The following MGAT4A variants were observed in gnomAD, a reference collection of about 807,000 sequenced individuals.
MGAT4A encodes alpha-1,3-mannosyl-glycoprotein 4-beta-N-acetylglucosaminyltransferase A.
In MGAT4A, 33 loss-of-function variants were observed where a neutral mutation model predicts 74.1. The observed-to-expected ratio is 0.45, with a 90% CI of 0.34 to 0.60. The LOEUF is 0.60. Ranked by LOEUF, MGAT4A falls within the 20% of genes least tolerant of loss-of-function variation. The probability of loss-of-function intolerance (pLI) is 0.02; values close to 1 mark genes in which losing one functional copy is unlikely to be tolerated. For synonymous variants in MGAT4A, 198 were observed against 210.4 expected, an observed-to-expected ratio of 0.94 and a Z score of 0.51; for missense variants, 479 against 628.3, an observed-to-expected ratio of 0.76 and a Z score of 2.54.
chr2:98,677,080 T>C (rs1701984669), intron 3 of MGAT4A, among the ~76,000 whole-genome samples: 1 of 152,194 alleles, frequency 6.6e-6, no homozygotes, highest in Non-Finnish European at 1.5e-5. Context: ...AGAAAAATTA[T>C]GCAAATTTAG....
intron 8 of MGAT4A, among the ~76,000 whole-genome samples, chr2:98,647,080 T>C (rs1391998755): frequency 2.0e-5 from 3 of 152,192 alleles, no homozygotes; most frequent in Non-Finnish European, 4.4e-5. Context: ...CAACATAGCA[T>C]TTAGAACTAA....
At chr2:98,640,690 G>C (rs1701393873) in intron 10 of MGAT4A, among the ~76,000 whole-genome samples, 1 of 152,096 alleles carries the variant, frequency 6.6e-6, no homozygotes, top group Non-Finnish European at 1.5e-5. Context: ...TTTTTTTCTA[G>C]TCTTTGAGGC....
At chr2:98,680,626 G>A (rs931615459) in intron 2 of MGAT4A, among the ~76,000 whole-genome samples, 2 of 152,216 alleles carry the variant, frequency 1.3e-5, no homozygotes, top group African/African-American at 4.8e-5. Context: ...GAAGAGGTAG[G>A]ACAGAGAAGG....
At chr2:98,656,596 G>A in intron 6 of MGAT4A, 131 bp from the exon 7 acceptor site, 2 of 563,582 alleles carry the variant, frequency 3.5e-6, no homozygotes, top group Non-Finnish European at 6.1e-6. Context: ...ATGGCCGCAA[G>A]GTGTTAAAAG....
chr2:98,703,105 G>A (rs1702375208), intron 2 of MGAT4A, among the ~76,000 whole-genome samples: 1 of 152,122 alleles, frequency 6.6e-6, no homozygotes, highest in Admixed American at 6.5e-5. Flanking sequence ...CTTCGAAACA[G>A]TTACTATAAA....
intron 2 of MGAT4A, among the ~76,000 whole-genome samples, chr2:98,702,687 G>A (rs533249632): frequency 6.6e-6 from 1 of 152,306 alleles, no homozygotes; most frequent in African/African-American, 2.4e-5. Context: ...AGCCCTACCG[G>A]CTCGAGGTGT....
chr2:98,708,822 A>G (rs1310653059), intron 2 of MGAT4A, among the ~76,000 whole-genome samples: 2 of 152,256 alleles, frequency 1.3e-5, no homozygotes, highest in Non-Finnish European at 2.9e-5. Flanking sequence ...AATGCAACAT[A>G]AACAATAGGG....
At chr2:98,643,795 T>C in intron 10 of MGAT4A, 128 bp downstream of exon 10, 2 of 924,512 alleles carry the variant, frequency 2.2e-6, no homozygotes, top group Non-Finnish European at 2.9e-6. Flanking sequence ...ATAGAAACTT[T>C]TTATCAGCTC....
chr2:98,645,559 A>G lies in MGAT4A; in HGVS notation c.775-17T>C. Reference sequence around the variant, plus strand: ...ATCTTCAAGCTAGAGAAAATTGAACAATCATATTAATACATCAAAAAAAGA... The same window carrying G: ...ATCTTCAAGCTAGAGAAAATTGAACGATCATATTAATACATCAAAAAAAGA... On this transcript the variant is annotated splice_polypyrimidine_tract_variant and intron_variant, in intron 8 of 15. Coordinates refer to ENST00000393487, the MANE Select transcript of MGAT4A (RefSeq NM_012214.3). 1 of 1,497,320 alleles carries G rather than the reference A, an allele frequency of 6.7e-7. No homozygotes were observed. The highest frequency in any genetic ancestry group is 9.0e-7 in the Non-Finnish European group (1 of 1,110,668). 92.8% of individuals were successfully genotyped at this position (1,497,320 alleles called of 1,614,324 possible).
chr2:98,729,830 T>G (rs1259183370), intron 1 of MGAT4A, among the ~76,000 whole-genome samples: 4 of 152,216 alleles, frequency 2.6e-5, no homozygotes, highest in Non-Finnish European at 5.9e-5. Flanking sequence ...ATCCCTGATA[T>G]CTGGAATCAA....
At chr2:98,726,986 A>G (rs1256079762) in intron 1 of MGAT4A, 1 of 152,196 alleles carries the variant, frequency 6.6e-6, no homozygotes, top group Non-Finnish European at 1.5e-5. Flanking sequence ...ACAATATATA[A>G]GGGTCAAAAG....
intron 5 of MGAT4A, among the ~76,000 whole-genome samples, chr2:98,660,119 C>A (rs1418368975): frequency 6.6e-6 from 1 of 152,128 alleles, no homozygotes; most frequent in Non-Finnish European, 1.5e-5. Context: ...ATCAAGAGAA[C>A]AATCCCATTT....
intron 2 of MGAT4A, among the ~76,000 whole-genome samples, chr2:98,717,500 C>G (rs966782069): frequency 6.6e-6 from 1 of 151,942 alleles, no homozygotes; most frequent in Admixed American, 6.6e-5. Flanking sequence ...AGTGGGAACT[C>G]TGGTGAAATT....
intron 12 of MGAT4A, among the ~76,000 whole-genome samples, chr2:98,638,179 C>G (rs1030089100): frequency 6.6e-6 from 1 of 152,178 alleles, no homozygotes; most frequent in Non-Finnish European, 1.5e-5. Context: ...TCCCTGTTAT[C>G]TCACCTCTAT....
At chr2:98,663,380 A>G in intron 4 of MGAT4A, 1 of 1,521,106 alleles carries the variant, frequency 6.6e-7, no homozygotes, top group Non-Finnish European at 8.8e-7. Flanking sequence ...CTTAACCATA[A>G]GAAAAAAAGA....
intron 12 of MGAT4A, among the ~76,000 whole-genome samples, chr2:98,637,341 T>C (rs1701338851): frequency 6.6e-6 from 1 of 151,112 alleles, no homozygotes; most frequent in Admixed American, 6.6e-5. Context: ...ATAATAGTAA[T>C]AAATAATAAT....
chr2:98,706,098 T>C (rs917650713), intron 2 of MGAT4A, among the ~76,000 whole-genome samples: 3 of 152,200 alleles, frequency 2.0e-5, no homozygotes, highest in Non-Finnish European at 4.4e-5. Flanking sequence ...GTTTTGATAT[T>C]GTGCCCTAAA....
intron 9 of MGAT4A, 134 bp from the exon 10 acceptor site, chr2:98,644,187 C>T (rs1701453241): frequency 1.1e-6 from 1 of 924,092 alleles, no homozygotes; most frequent in South Asian, 2.7e-5. Context: ...ACAATTTCCC[C>T]ACTTGTATTA....
chr2:98,710,076 G>A (rs1475207437), intron 2 of MGAT4A, among the ~76,000 whole-genome samples: 1 of 152,116 alleles, frequency 6.6e-6, no homozygotes, highest in Non-Finnish European at 1.5e-5. Flanking sequence ...AAAACAACAG[G>A]AACACTTTTG....
Sources: gnomAD v4.1 joint callset for allele counts (sites outside exome capture counted in the v4.1 genomes callset) on GRCh38, gnomAD v4.1.1 for gene constraint, MANE v1.5 for transcripts, NCBI Gene and HGNC (gene_info 2026-07-23, HGNC 2026-07-21) for gene names.